The following AMBRA1 variants were observed in gnomAD, a reference collection of about 807,000 sequenced individuals.
AMBRA1 encodes activating molecule in BECN1-regulated autophagy protein 1.
AMBRA1 carries 47 observed loss-of-function variants against 125.4 expected under a neutral mutation model. The ratio of observed to expected loss-of-function variants is 0.37; its 90% CI spans 0.30 to 0.48. AMBRA1 has a LOEUF of 0.48. Among genes scored for constraint, AMBRA1 ranks in the 20% least tolerant of loss-of-function variants. The probability of loss-of-function intolerance (pLI) is 0.99; values close to 1 mark genes in which losing one functional copy is unlikely to be tolerated. For synonymous variants in AMBRA1, 626 were observed against 655.5 expected (o/e 0.95, Z 0.69); for missense variants, 1,331 against 1,693.4 (o/e 0.79, Z 3.76).
chr11:46,565,457 A>G (rs1347460605), intron 1 of AMBRA1, among the ~76,000 whole-genome samples: 1 of 151,814 alleles, frequency 6.6e-6, no homozygotes, highest in Non-Finnish European at 1.5e-5. Flanking sequence ...CTATAATCCC[A>G]GCACTTTGGG....
rs1174734182 is a variant in AMBRA1 at position 46,508,500 on chromosome 11, C to A, written c.2160-130G>T. The A allele has an allele frequency of 4.6e-6, 4 of 868,872 alleles. No individual in the cohort carries two copies. The Admixed American group carries it at 1.0e-4, about 23-fold the overall frequency. The allele number at this position is 868,872 out of a possible 1,614,324, so 53.8% of individuals were successfully genotyped here. A position where few individuals can be genotyped will look rare whatever the true frequency, so the allele number is the denominator to read the frequency against. The stretch of plus-strand genomic sequence containing the variant: ...CTCTGGAGACATGAAAATTAAAGGG[C>A]ATTTAACTCAACTCACCAGGAGGTT... On this transcript the variant is annotated intron_variant, in intron 8 of 17. Transcript: ENST00000683756.
intron 5 of AMBRA1, among the ~76,000 whole-genome samples, chr11:46,544,914 C>T (rs1427332343): frequency 1.3e-5 from 2 of 151,848 alleles, no homozygotes; most frequent in African/African-American, 4.8e-5. Flanking sequence ...GCCAGTAGTT[C>T]GAGACTAGCC....
intron 12 of AMBRA1, among the ~76,000 whole-genome samples, chr11:46,439,589 A>G (rs530915608): frequency 3.3e-5 from 5 of 152,306 alleles, no homozygotes; most frequent in African/African-American, 1.2e-4. Context: ...GTTATAAATG[A>G]TCTCCCTAAT....
In AMBRA1 at chr11:46,540,431, C is replaced by T. The variant is rs182503666; in HGVS notation, c.2072+1514G>A. Among the ~76,000 whole-genome samples, 236 of 152,288 alleles carry T rather than the reference C, an allele frequency of 1.5e-3. 3 individuals are homozygous for T. The highest frequency in any genetic ancestry group is 2.4e-3 in the Non-Finnish European group (161 of 68,016). ...CAGAGGCTCGGGCTCCTGATGAAGA[C>T]CAGTATGCCAGGCACAATATTCCAA... On this transcript the variant is annotated intron_variant, in intron 7 of 17. Coordinates refer to ENST00000683756, the MANE Select transcript of AMBRA1 (RefSeq NM_001387011.1).
chr11:46,507,478 C>CAAA (rs778680920), intron 9 of AMBRA1, among the ~76,000 whole-genome samples: 3 of 91,094 alleles, frequency 3.3e-5, no homozygotes, highest in Admixed American at 1.2e-4. Flanking sequence ...GACTCCGTCT[C>CAAA]AAAAAAAAAA....
In AMBRA1 at chr11:46,543,161, C is replaced by T. The variant is rs1485307299; in HGVS notation, c.856G>A (p.Ala286Thr). 3 of 1,556,288 alleles carry T rather than the reference C, an allele frequency of 1.9e-6. No individual in the cohort carries two copies. Among genetic ancestry groups the T allele is most frequent in the Admixed American group, 3.9e-5 (2 of 51,534 alleles). Residue 286 changes from alanine (A) to threonine (T), a missense_variant, in exon 7 of 18, where the codon GCT (alanine) becomes ACT (threonine). Around this residue, in one of 4 missense-constraint regions of AMBRA1, gnomAD observed 689 missense variants for 776.5 expected, o/e 0.89. Transcript: ENST00000683756. ...ACCCGCTGTCGGAGCCTGATGTAAGCGGAAGTCCTGGGGCGCTCCGTGGAG... is the reference window on the plus strand; with the variant it reads ...ACCCGCTGTCGGAGCCTGATGTAAGTGGAAGTCCTGGGGCGCTCCGTGGAG... ...QPSTERPRTS[A>T]YIRLRQRVSY... is the part of the protein sequence containing the mutation.
At chr11:46,441,647 AAT>A (rs749499976) in intron 12 of AMBRA1, among the ~76,000 whole-genome samples, 32 of 152,342 alleles carry the variant, frequency 2.1e-4, no homozygotes, top group Middle Eastern at 3.4e-3. Context: ...AGGGTAAGCT[AAT>A]AGTGTCTGAA....
chr11:46,555,512 T>C (rs1039163228), intron 1 of AMBRA1, among the ~76,000 whole-genome samples: 1 of 152,314 alleles, frequency 6.6e-6, no homozygotes, highest in Non-Finnish European at 1.5e-5. Context: ...TTTTTATTAC[T>C]ATTGAATCCT....
In AMBRA1 at chr11:46,548,423, G is replaced by A. The variant is rs1181050389; in HGVS notation, c.-43C>T. 1 of 1,610,210 alleles carries A rather than the reference G, an allele frequency of 6.2e-7. No individual in the cohort carries two copies. Among genetic ancestry groups the A allele is most frequent in the Admixed American group, 1.7e-5 (1 of 59,978 alleles). The stretch of plus-strand genomic sequence containing the variant: ...GTCACACCAGGCCCAGGAAATGAAG[G>A]AGCAAGTAACAGCTCCAACACACTG... On this transcript the variant is annotated 5_prime_UTR_variant, in exon 2 of 18. Coordinates refer to ENST00000683756, the MANE Select transcript of AMBRA1 (RefSeq NM_001387011.1).
chr11:46,433,072 G>GA (rs1180188075), intron 14 of AMBRA1, among the ~76,000 whole-genome samples: 2 of 151,932 alleles, frequency 1.3e-5, no homozygotes, highest in African/African-American at 4.8e-5. Flanking sequence ...ATAACCCACA[G>GA]AAAAAAAACA....
intron 7 of AMBRA1, among the ~76,000 whole-genome samples, chr11:46,527,477 C>CAACAAAAAAAAAAAAAA (rs1952026382): frequency 3.9e-5 from 1 of 25,924 alleles, no homozygotes; most frequent in African/African-American, 2.0e-4. Context: ...GAGACTGTCT[C>CAACAAAAAAAAAAAAAA]AAAAAAAAAA....
intron 11 of AMBRA1, among the ~76,000 whole-genome samples, chr11:46,484,554 C>T (rs1403431306): frequency 6.6e-6 from 1 of 152,146 alleles, no homozygotes; most frequent in East Asian, 1.9e-4. Context: ...GACATATGGA[C>T]ATTAAGATTT....
intron 11 of AMBRA1, among the ~76,000 whole-genome samples, chr11:46,478,251 C>A (rs892833554): frequency 1.3e-5 from 2 of 152,176 alleles, no homozygotes; most frequent in Non-Finnish European, 2.9e-5. Context: ...ACAAAAATTC[C>A]TTGCCTTAGT....
intron 1 of AMBRA1, among the ~76,000 whole-genome samples, chr11:46,592,783 G>C (rs1055843224): frequency 6.6e-6 from 1 of 151,654 alleles, no homozygotes; most frequent in Non-Finnish European, 1.5e-5. Flanking sequence ...AAGAGAGACA[G>C]ACTCCTTGGG....
chr11:46,574,456 A>C (rs1176145115), intron 1 of AMBRA1, among the ~76,000 whole-genome samples: 3 of 151,424 alleles, frequency 2.0e-5, no homozygotes, highest in Non-Finnish European at 4.4e-5. Flanking sequence ...TGGCTGCATA[A>C]ATGTCTTCTT....
At chr11:46,438,360 AG>A (rs1947831322) in intron 12 of AMBRA1, among the ~76,000 whole-genome samples, 1 of 152,160 alleles carries the variant, frequency 6.6e-6, no homozygotes, top group African/African-American at 2.4e-5. Context: ...AGGGAATGGG[AG>A]GGGTTAGAAA....
chr11:46,587,103 G>C (rs1184687210), intron 1 of AMBRA1, among the ~76,000 whole-genome samples: 1 of 152,152 alleles, frequency 6.6e-6, no homozygotes, highest in Non-Finnish European at 1.5e-5. Context: ...CTTCAGGTCA[G>C]GCACAGTGGC....
chr11:46,496,554 G>A (rs1362069964), intron 9 of AMBRA1, among the ~76,000 whole-genome samples: 1 of 152,076 alleles, frequency 6.6e-6, no homozygotes, highest in Non-Finnish European at 1.5e-5. Context: ...CAACAAACAC[G>A]AATCTATCTC....
intron 14 of AMBRA1, among the ~76,000 whole-genome samples, chr11:46,432,645 G>C (rs1947509673): frequency 6.6e-6 from 1 of 152,210 alleles, no homozygotes; most frequent in African/African-American, 2.4e-5. Flanking sequence ...GAACCGAATT[G>C]GGTGGATTAA....
Sources: allele counts gnomAD v4.1 joint callset (sites outside exome capture counted in the v4.1 genomes callset), GRCh38; gene constraint gnomAD v4.1.1; regional missense constraint gnomAD v4.1.1; transcripts MANE v1.5; gene names NCBI Gene and HGNC (gene_info 2026-07-23, HGNC 2026-07-21).